The following ALKBH5 variants were observed in gnomAD, a reference collection of about 807,000 sequenced individuals.
ALKBH5 encodes the protein alkB homolog 5, RNA demethylase, also known as RNA demethylase ALKBH5.
In ALKBH5, 2 loss-of-function variants were observed where a neutral mutation model predicts 32.1. That is an observed-to-expected ratio of 0.06 (90% CI 0.03 to 0.20). ALKBH5 has a LOEUF of 0.20. Among genes scored for constraint, ALKBH5 ranks in the 10% least tolerant of loss-of-function variants. The pLI, the probability that ALKBH5 is intolerant of heterozygous loss-of-function variation, is 1.00. For synonymous variants in ALKBH5, 300 were observed against 231.7 expected, an observed-to-expected ratio of 1.29 and a Z score of -2.68; for missense variants, 352 against 559.5, an observed-to-expected ratio of 0.63 and a Z score of 3.74.
At chr17:18,198,519 G>C (rs1433626390) in intron 2 of ALKBH5, among the ~76,000 whole-genome samples, 2 of 152,234 alleles carry the variant, frequency 1.3e-5, no homozygotes, top group African/African-American at 4.8e-5. Flanking sequence ...TGGCTGGTTT[G>C]ATGTCTTCTG....
Position 18,184,383 on chromosome 17 carries a change from C to T in ALKBH5, c.140C>T (p.Ala47Val). 1 of 1,523,042 alleles carries T rather than the reference C, an allele frequency of 6.6e-7. No individual in the cohort carries two copies. Among genetic ancestry groups the T allele is most frequent in the Non-Finnish European group, 8.8e-7 (1 of 1,138,194 alleles). 94.3% of individuals were successfully genotyped at this position (1,523,042 alleles called of 1,614,324 possible). A position where few individuals can be genotyped will look rare whatever the true frequency, so the allele number is the denominator to read the frequency against. The change falls in exon 1 of 4, where the codon GCC becomes GTC. Residue 47 changes from alanine (A) to valine (V), a missense_variant. Around this residue, in one of 4 missense-constraint regions of ALKBH5, gnomAD observed 144 missense variants for 125.8 expected, o/e 1.14. Transcript: ENST00000399138. ...AVAAAAAAAAAAEPYPVSGAK... is the reference protein window; with the variant it reads ...AVAAAAAAAAVAEPYPVSGAK... ...GCCGCCGCAGCCGCAGCCGCCGCTG[C>T]CGCCGAACCTTACCCTGTGTCCGGG...
rs145378274 is a variant in ALKBH5, at chr17:18,197,452, A to G, written c.851+2417A>G. On this transcript the variant is annotated intron_variant, in intron 2 of 3. Transcript: ENST00000399138. ...CAGGGATGGGTGGCCTGCCCAGGCC[A>G]GGAACCTGGAGAGGAACTTCTAATG... Among the ~76,000 whole-genome samples the G allele has an allele frequency of 1.6e-3, 239 of 152,368 alleles. 1 individual carries two copies. The highest frequency in any genetic ancestry group is 3.1e-3 in the Non-Finnish European group (212 of 68,042).
intron 2 of ALKBH5, among the ~76,000 whole-genome samples, chr17:18,201,378 C>G (rs2047235460): frequency 6.6e-6 from 1 of 152,242 alleles, no homozygotes; most frequent in African/African-American, 2.4e-5. Flanking sequence ...TCTGCCCTGG[C>G]TCTGCCACTC....
At chr17:18,188,832 G>C (rs2047155642) in intron 1 of ALKBH5, among the ~76,000 whole-genome samples, 1 of 152,192 alleles carries the variant, frequency 6.6e-6, no homozygotes, top group Admixed American at 6.5e-5. Context: ...ACTTTGGGTG[G>C]CCAAGGTGGA....
chr17:18,209,671 A>G lies in ALKBH5; in HGVS notation c.*1275A>G, dbSNP rs1231361293. ...GCTTGCCAAGAGCAGAGGCCCTCCC[A>G]GCAACCAGGATACCACCACTTTGGG... is the stretch of plus-strand genomic sequence containing the variant. On this transcript the variant is annotated 3_prime_UTR_variant, in exon 4 of 4. Transcript: ENST00000399138. 2 of 152,298 alleles carry G rather than the reference A, an allele frequency of 1.3e-5. No homozygotes were observed. Among genetic ancestry groups the G allele is most frequent in the Non-Finnish European group, 2.9e-5 (2 of 68,046 alleles). 9.4% of individuals were successfully genotyped at this position (152,298 alleles called of 1,614,324 possible). A position where few individuals can be genotyped will look rare whatever the true frequency, so the allele number is the denominator to read the frequency against.
intron 2 of ALKBH5, among the ~76,000 whole-genome samples, chr17:18,198,582 A>G (rs2047218100): frequency 6.6e-6 from 1 of 152,150 alleles, no homozygotes; most frequent in Admixed American, 6.5e-5. Flanking sequence ...GGCCCTGATT[A>G]TGGTAGAGGA....
chr17:18,189,489 A>C (rs1438969510), intron 1 of ALKBH5, among the ~76,000 whole-genome samples: 1 of 152,228 alleles, frequency 6.6e-6, no homozygotes, highest in Admixed American at 6.5e-5. Context: ...TCATCTCTGC[A>C]AATCTCTTTC....
chr17:18,208,240 C>T lies in ALKBH5; in HGVS notation c.1029C>T (p.Asp343=). ...AAHRPRILEM[D]KEENRRSVLL... ...GCAGGCCACGGATCCTGGAGATGGA[C>T]AAGGAAGAGAACCGGCGCTCGGTGC... The change falls in exon 4 of 4, where the codon GAC becomes GAT. Residue 343 remains aspartate, a synonymous_variant. Coordinates refer to ENST00000399138, the MANE Select transcript of ALKBH5 (RefSeq NM_017758.4). 1 of 1,610,328 alleles carries T rather than the reference C, an allele frequency of 6.2e-7. No homozygotes were observed. Among genetic ancestry groups the T allele is most frequent in the South Asian group, 1.1e-5 (1 of 90,800 alleles).
chr17:18,185,093 A>T (rs1003685169), intron 1 of ALKBH5, 80 bp downstream of exon 1: 21 of 1,532,470 alleles, frequency 1.4e-5, no homozygotes, highest in Non-Finnish European at 1.7e-5. Flanking sequence ...AGCAGCCCGT[A>T]GGAGTCTGCG....
At chr17:18,192,212 G>A (rs1361808945) in intron 1 of ALKBH5, among the ~76,000 whole-genome samples, 1 of 152,150 alleles carries the variant, frequency 6.6e-6, no homozygotes, top group African/African-American at 2.4e-5. Flanking sequence ...GATAGTCCAG[G>A]GCCCTCTGAC....
At chr17:18,201,770 GATAGA>G (rs1567676577) in intron 2 of ALKBH5, among the ~76,000 whole-genome samples, 13 of 136,296 alleles carry the variant, frequency 9.5e-5, no homozygotes, top group Non-Finnish European at 1.6e-4. Context: ...TAGATAGATA[GATAGA>G]TAGATAGATA....
rs758774163 is a variant in ALKBH5 at position 18,208,720 on chromosome 17, G to T, written c.*324G>T. 61 of 437,594 alleles carry T rather than the reference G, an allele frequency of 1.4e-4. No homozygotes were observed. Among genetic ancestry groups the T allele is most frequent in the Admixed American group, 7.0e-4 (18 of 25,646 alleles). The allele number at this position is 437,594 out of a possible 1,614,324, so 27.1% of individuals were successfully genotyped here. On this transcript the variant is annotated 3_prime_UTR_variant, in exon 4 of 4. Coordinates refer to ENST00000399138, the MANE Select transcript of ALKBH5 (RefSeq NM_017758.4). Reference sequence around the variant, plus strand: ...TTTAAGTGGGGCTGTATCAGGCTGGGTTTATTTAAAAGCAACAAAATGTTT... The same window carrying T: ...TTTAAGTGGGGCTGTATCAGGCTGGTTTTATTTAAAAGCAACAAAATGTTT...
intron 2 of ALKBH5, among the ~76,000 whole-genome samples, chr17:18,201,775 A>ATAGATAGATAGGTAGATAGATAGG (rs1555550992): frequency 1.4e-5 from 2 of 141,770 alleles, no homozygotes; most frequent in African/African-American, 2.6e-5. Flanking sequence ...AGATAGATAG[A>ATAGATAGATAGGTAGATAGATAGG]TAGATAGATA....
chr17:18,185,123 GTTC>G, intron 1 of ALKBH5, 110 bp downstream of exon 1: 2 of 1,485,866 alleles, frequency 1.3e-6, no homozygotes. Context: ...GTTCTGACCA[GTTC>G]TTCTGTTTGT....
intron 2 of ALKBH5, chr17:18,206,482 A>G: frequency 4.8e-6 from 1 of 208,032 alleles, no homozygotes. Flanking sequence ...GGCCCCAGAG[A>G]ACCTGTGGGT....
At chr17:18,191,945 T>C (rs2047177439) in intron 1 of ALKBH5, among the ~76,000 whole-genome samples, 1 of 101,938 alleles carries the variant, frequency 9.8e-6, no homozygotes, top group South Asian at 2.9e-4. Context: ...TGAGACTCTG[T>C]CTTTAAAAAA....
intron 2 of ALKBH5, among the ~76,000 whole-genome samples, chr17:18,196,433 C>T (rs557437455): frequency 6.6e-6 from 1 of 152,306 alleles, no homozygotes; most frequent in South Asian, 2.1e-4. Flanking sequence ...GTTGGCCAAG[C>T]TGGTCTCTAA....
chr17:18,207,641 C>A (rs1046836211), intron 3 of ALKBH5, among the ~76,000 whole-genome samples: 1 of 150,052 alleles, frequency 6.7e-6, no homozygotes, highest in Non-Finnish European at 1.5e-5. Flanking sequence ...CCAGCCTGTG[C>A]GACAGAGCAA....
rs1179556745 is a variant in ALKBH5 at position 18,209,625 on chromosome 17, G to C, written c.*1229G>C. 6.6e-6 allele frequency: 1 copy of C among 152,254 alleles called. No homozygotes were observed. The highest frequency in any genetic ancestry group is 1.9e-4 in the East Asian group (1 of 5,198). 9.4% of individuals were successfully genotyped at this position (152,254 alleles called of 1,614,324 possible). ...CTAGATTCATTAGGAATGTCTTCTT[G>C]TCAGCCAGGCCAGGACCCGGGCTTG... On this transcript the variant is annotated 3_prime_UTR_variant, in exon 4 of 4. Transcript: ENST00000399138.
Sources: allele counts gnomAD v4.1 joint callset (sites outside exome capture counted in the v4.1 genomes callset), GRCh38; gene constraint gnomAD v4.1.1; regional missense constraint gnomAD v4.1.1; transcripts MANE v1.5; gene names NCBI Gene and HGNC (gene_info 2026-07-23, HGNC 2026-07-21).